The following SCHIP1 variants were observed in gnomAD, a reference collection of about 807,000 sequenced individuals.
The protein encoded by SCHIP1 is schwannomin-interacting protein 1.
A neutral mutation model predicts 29.7 loss-of-function variants in SCHIP1; 8 were observed. That is an observed-to-expected ratio of 0.27 (90% CI 0.16 to 0.49). The LOEUF is 0.49. SCHIP1 is among the 20% of genes least tolerant of loss of function. The pLI is 0.99. For missense variants in SCHIP1, 193 were observed against 294.6 expected (o/e 0.66, Z 2.52); for synonymous variants, 76 against 94.9 (o/e 0.80, Z 1.16).
At chr3:159,465,045 C>T in the SCHIP1 span, among the ~76,000 whole-genome samples, 1 of 152,188 alleles carries the variant, frequency 6.6e-6, no homozygotes, top group East Asian at 1.9e-4. Context: ...ACTCTTCCAG[C>T]CCCCAGAGAG....
chr3:159,405,333 T>A, the SCHIP1 span, among the ~76,000 whole-genome samples: 1 of 152,102 alleles, frequency 6.6e-6, no homozygotes, highest in Non-Finnish European at 1.5e-5. Flanking sequence ...GAGATAGAGA[T>A]TTGCGGCCTT....
At chr3:159,683,439 T>C in the SCHIP1 span, among the ~76,000 whole-genome samples, 3 of 149,832 alleles carry the variant, frequency 2.0e-5, no homozygotes, top group Admixed American at 2.0e-4. Flanking sequence ...CTCCATTGCG[T>C]TTTTTTTCAA....
At chr3:159,747,489 G>T in the SCHIP1 span, among the ~76,000 whole-genome samples, 1 of 152,206 alleles carries the variant, frequency 6.6e-6, no homozygotes, top group Non-Finnish European at 1.5e-5. Context: ...CATAAGACCT[G>T]TGATTTCATG....
At chr3:159,708,916 AC>A in the SCHIP1 span, among the ~76,000 whole-genome samples, 2 of 152,240 alleles carry the variant, frequency 1.3e-5, no homozygotes, top group Non-Finnish European at 2.9e-5. Flanking sequence ...GAATACTCTT[AC>A]ATCTCTCTTC....
intron 1 of SCHIP1, among the ~76,000 whole-genome samples, chr3:159,844,335 T>A (rs554292988): frequency 6.6e-6 from 1 of 152,376 alleles, no homozygotes; most frequent in African/African-American, 2.4e-5. Flanking sequence ...TATGCACTGT[T>A]CTTTGAACAA....
chr3:159,848,900 T>A (rs540810600), intron 1 of SCHIP1, among the ~76,000 whole-genome samples: 1 of 152,170 alleles, frequency 6.6e-6, no homozygotes, highest in South Asian at 2.1e-4. Context: ...CTGGAAAGGG[T>A]TTGGGCTATG....
the SCHIP1 span, among the ~76,000 whole-genome samples, chr3:159,593,855 C>G: frequency 1.6e-3 from 242 of 152,350 alleles, no homozygotes; most frequent in African/African-American, 5.5e-3. Flanking sequence ...TAAAATGTTT[C>G]TTTCTGAAGT....
chr3:159,283,175 C>T, the SCHIP1 span, among the ~76,000 whole-genome samples: 31 of 152,160 alleles, frequency 2.0e-4, no homozygotes, highest in African/African-American at 7.2e-4. Flanking sequence ...TTTTTTGAGA[C>T]GGAGTCTCAC....
At chr3:159,710,546 T>C in the SCHIP1 span, among the ~76,000 whole-genome samples, 1 of 152,220 alleles carries the variant, frequency 6.6e-6, no homozygotes, top group Non-Finnish European at 1.5e-5. Context: ...TTAAATGTGC[T>C]TACCCCAAAG....
the SCHIP1 span, among the ~76,000 whole-genome samples, chr3:159,742,184 C>CCGCTG: frequency 6.6e-6 from 1 of 152,150 alleles, no homozygotes; most frequent in Non-Finnish European, 1.5e-5. Context: ...CGAGATTGTG[C>CCGCTG]CACTGCACTC....
chr3:159,853,906 G>A (rs1027017145), intron 1 of SCHIP1, among the ~76,000 whole-genome samples: 1 of 152,144 alleles, frequency 6.6e-6, no homozygotes, highest in Non-Finnish European at 1.5e-5. Context: ...AGTTGATACA[G>A]TATCTGTTCA....
At chr3:159,352,088 C>T in the SCHIP1 span, among the ~76,000 whole-genome samples, 6 of 152,158 alleles carry the variant, frequency 3.9e-5, no homozygotes, top group African/African-American at 7.2e-5. Flanking sequence ...ATCTGGGTTT[C>T]GGCAGCCCCG....
At chr3:159,622,014 T>C in the SCHIP1 span, among the ~76,000 whole-genome samples, 1 of 152,234 alleles carries the variant, frequency 6.6e-6, no homozygotes, top group Non-Finnish European at 1.5e-5. Flanking sequence ...ACAAGGCCCC[T>C]GGCAAAACCT....
the SCHIP1 span, among the ~76,000 whole-genome samples, chr3:159,443,964 G>T: frequency 1.8e-4 from 28 of 152,212 alleles, no homozygotes; most frequent in African/African-American, 6.7e-4. Context: ...AGTTAGGAAA[G>T]GTTTGCTTCT....
the SCHIP1 span, among the ~76,000 whole-genome samples, chr3:159,618,271 T>C: frequency 2.6e-3 from 403 of 152,326 alleles, 3 homozygotes; most frequent in Non-Finnish European, 2.9e-3. Flanking sequence ...AGTTTTACTC[T>C]TCAGTTCCAT....
chr3:159,769,547 C>T, the SCHIP1 span, among the ~76,000 whole-genome samples: 2 of 152,000 alleles, frequency 1.3e-5, no homozygotes, highest in Non-Finnish European at 2.9e-5. Flanking sequence ...GTCAGGAGTT[C>T]GAGACCAGCC....
chr3:159,325,316 G>T, the SCHIP1 span, among the ~76,000 whole-genome samples: 1 of 152,096 alleles, frequency 6.6e-6, no homozygotes, highest in African/African-American at 2.4e-5. Context: ...TCTCCAGTTT[G>T]ATAGTTGAAG....
chr3:159,844,184 T>G (rs764772737), intron 1 of SCHIP1, among the ~76,000 whole-genome samples: 5 of 152,354 alleles, frequency 3.3e-5, no homozygotes, highest in South Asian at 4.1e-4. Context: ...GTGTCTCACT[T>G]CATTTCCCAG....
At chr3:159,470,707 C>T in the SCHIP1 span, among the ~76,000 whole-genome samples, 1 of 152,040 alleles carries the variant, frequency 6.6e-6, no homozygotes, top group Non-Finnish European at 1.5e-5. Flanking sequence ...GAACACAGGG[C>T]ACAAATGTCT....
Sources: gnomAD v4.1 joint callset for allele counts (sites outside exome capture counted in the v4.1 genomes callset) on GRCh38, gnomAD v4.1.1 for gene constraint, MANE v1.5 for transcripts, NCBI Gene and HGNC (gene_info 2026-07-23, HGNC 2026-07-21) for gene names.